ABCB1: variants seen among roughly 807,000 people sequenced by gnomAD.
ABCB1 encodes the protein ATP binding cassette subfamily B member 1, also known as ATP-dependent translocase ABCB1.
A neutral mutation model predicts 142.0 loss-of-function variants in ABCB1; 69 were observed. The observed-to-expected ratio is 0.49, with a 90% CI of 0.40 to 0.59. ABCB1 has a LOEUF of 0.59. ABCB1 is among the 20% of genes least tolerant of loss of function. The probability of loss-of-function intolerance (pLI) is 0.00; values close to 1 mark genes in which losing one functional copy is unlikely to be tolerated. For synonymous variants in ABCB1, 532 were observed against 539.2 expected, an observed-to-expected ratio of 0.99 and a Z score of 0.18; for missense variants, 1,326 against 1,554.7, an observed-to-expected ratio of 0.85 and a Z score of 2.47.
intron 2 of ABCB1, among the ~76,000 whole-genome samples, chr7:87,596,140 GAA>G (rs1439918551): frequency 6.6e-6 from 1 of 151,904 alleles, no homozygotes; most frequent in Non-Finnish European, 1.5e-5. Context: ...TATACATACT[GAA>G]AAGAGTTCCC....
chr7:87,643,138 C>G (rs1306995884), intron 1 of ABCB1, among the ~76,000 whole-genome samples: 1 of 152,194 alleles, frequency 6.6e-6, no homozygotes, highest in Non-Finnish European at 1.5e-5. Context: ...AACTCCTGAC[C>G]TCAAGCCATC....
intron 1 of ABCB1, among the ~76,000 whole-genome samples, chr7:87,687,096 CTTA>C (rs757563248): frequency 1.8e-4 from 27 of 152,080 alleles, no homozygotes; most frequent in Non-Finnish European, 3.2e-4. Context: ...GCTAATTATA[CTTA>C]TTAACATTTG....
intron 21 of ABCB1, among the ~76,000 whole-genome samples, chr7:87,527,369 C>T (rs866083426): frequency 6.6e-6 from 1 of 152,254 alleles, no homozygotes. Flanking sequence ...GTTTTTGCAC[C>T]TGCTGTTGTA....
chr7:87,510,075 T>C (rs1025304873), intron 25 of ABCB1, among the ~76,000 whole-genome samples: 10 of 152,184 alleles, frequency 6.6e-5, no homozygotes, highest in African/African-American at 2.2e-4. Context: ...CTGAGACCTA[T>C]TTTAGACTTC....
chr7:87,627,341 A>G (rs1422565726), intron 1 of ABCB1, among the ~76,000 whole-genome samples: 1 of 152,224 alleles, frequency 6.6e-6, no homozygotes, highest in African/African-American at 2.4e-5. Flanking sequence ...AGAAACTTCA[A>G]AAGTAGAGGT....
chr7:87,653,672 G>T (rs1299733918), intron 1 of ABCB1, among the ~76,000 whole-genome samples: 1 of 151,572 alleles, frequency 6.6e-6, no homozygotes, highest in Admixed American at 6.6e-5. Context: ...TTTCAAATGC[G>T]AGCCTAATAC....
intron 7 of ABCB1, among the ~76,000 whole-genome samples, chr7:87,565,709 T>A (rs1304733557): frequency 6.6e-6 from 1 of 151,776 alleles, no homozygotes; most frequent in Non-Finnish European, 1.5e-5. Flanking sequence ...GCCGTGTGAA[T>A]GGGGCATCAT....
At chr7:87,695,334 TTC>T (rs1475311592) in intron 1 of ABCB1, among the ~76,000 whole-genome samples, 2 of 152,104 alleles carry the variant, frequency 1.3e-5, no homozygotes, top group African/African-American at 4.8e-5. Flanking sequence ...AATGGAAATT[TTC>T]TCTGTTTGAT....
intron 22 of ABCB1, 151 bp downstream of exon 22, chr7:87,520,625 T>C (rs1815457682): frequency 1.4e-6 from 1 of 723,702 alleles, no homozygotes; most frequent in Non-Finnish European, 2.5e-6. Flanking sequence ...GTACTTTCTC[T>C]CCTGCATAAT....
intron 4 of ABCB1, among the ~76,000 whole-genome samples, chr7:87,575,245 C>G (rs1818224070): frequency 6.6e-6 from 1 of 152,074 alleles, no homozygotes; most frequent in South Asian, 2.1e-4. Context: ...AAATATATAA[C>G]ATGGATACAT....
At chr7:87,614,543 A>G (rs762210075) in intron 1 of ABCB1, among the ~76,000 whole-genome samples, 45 of 152,222 alleles carry the variant, frequency 3.0e-4, no homozygotes, top group Non-Finnish European at 1.2e-4. Flanking sequence ...AGTTTATGGC[A>G]TTTCAGTTCA....
At chr7:87,564,025 T>C (rs1584884097) in intron 7 of ABCB1, 1 of 292,340 alleles carries the variant, frequency 3.4e-6, no homozygotes, top group Non-Finnish European at 6.7e-6. Flanking sequence ...GGGTGGAGAG[T>C]GGGAGGAGGG....
intron 1 of ABCB1, among the ~76,000 whole-genome samples, chr7:87,697,812 T>G (rs145098505): frequency 1.3e-5 from 2 of 152,290 alleles, no homozygotes; most frequent in African/African-American, 4.8e-5. Context: ...ACTCATAAAG[T>G]GAACCTAAGT....
chr7:87,597,644 C>A (rs936915489), intron 2 of ABCB1, among the ~76,000 whole-genome samples: 1 of 151,926 alleles, frequency 6.6e-6, no homozygotes, highest in South Asian at 2.1e-4. Context: ...ATCAAGTTTT[C>A]AAAAATACAA....
rs1197199586 is a variant in ABCB1 at position 87,609,226 on chromosome 7, A to G, written c.-330-8148T>C. ...AGTCAGGGCAGACCTCATTAAGGAG[A>G]TAACTTTGAGCCAAGACGGGATAGA... On this transcript the variant is annotated intron_variant, in intron 1 of 28. Transcript: ENST00000265724. Among the ~76,000 whole-genome samples the G allele has an allele frequency of 2.6e-5, 4 of 152,186 alleles. No individual in the cohort carries two copies. In the South Asian group the frequency reaches 6.2e-4, roughly 24 times the overall value.
chr7:87,709,011 C>T (rs1366031127), intron 1 of ABCB1, among the ~76,000 whole-genome samples: 1 of 152,070 alleles, frequency 6.6e-6, no homozygotes, highest in Admixed American at 6.5e-5. Context: ...TTAAGTTGTT[C>T]TACTTCTTGG....
intron 3 of ABCB1, among the ~76,000 whole-genome samples, chr7:87,588,400 T>G (rs552930572): frequency 6.6e-6 from 1 of 152,320 alleles, no homozygotes; most frequent in Admixed American, 6.5e-5. Flanking sequence ...GTTCTCATCA[T>G]TTAGCTCCCA....
At chr7:87,547,240 C>T (rs565212094) in intron 14 of ABCB1, among the ~76,000 whole-genome samples, 132 of 152,014 alleles carry the variant, frequency 8.7e-4, no homozygotes, top group Non-Finnish European at 1.5e-3. Context: ...AAAAAATACA[C>T]AAGGAAAAAT....
At chr7:87,533,818 C>A (rs1298280516) in intron 20 of ABCB1, among the ~76,000 whole-genome samples, 1 of 152,170 alleles carries the variant, frequency 6.6e-6, no homozygotes, top group Non-Finnish European at 1.5e-5. Flanking sequence ...CTACATTGGG[C>A]TTTCCTAGGT....
Sources: allele counts gnomAD v4.1 joint callset (sites outside exome capture counted in the v4.1 genomes callset), GRCh38; gene constraint gnomAD v4.1.1; transcripts MANE v1.5; gene names NCBI Gene and HGNC (gene_info 2026-07-23, HGNC 2026-07-21).